The following ATP6V0A4 variants were observed in gnomAD, a reference collection of about 807,000 sequenced individuals.
The protein encoded by ATP6V0A4 is ATPase H+ transporting V0 subunit a4.
A neutral mutation model predicts 107.3 loss-of-function variants in ATP6V0A4; 86 were observed. That is an observed-to-expected ratio of 0.80 (90% CI 0.67 to 0.96). The LOEUF (loss-of-function observed/expected upper bound fraction) is 0.96. ATP6V0A4 is among the 40% of genes least tolerant of loss of function. ATP6V0A4 has a pLI of 0.00. For missense variants in ATP6V0A4, 908 were observed against 1,045.6 expected (o/e 0.87, Z 1.81); for synonymous variants, 353 against 381.4 (o/e 0.93, Z 0.87).
intron 18 of ATP6V0A4, among the ~76,000 whole-genome samples, chr7:138,724,924 G>A (rs905174832): frequency 1.3e-5 from 2 of 152,198 alleles, no homozygotes; most frequent in East Asian, 1.9e-4. Flanking sequence ...GCTGGGTGGC[G>A]TATGAAATAA....
intron 1 of ATP6V0A4, among the ~76,000 whole-genome samples, chr7:138,786,592 A>AAG (rs1554402932): frequency 6.6e-6 from 1 of 151,490 alleles, no homozygotes; most frequent in Non-Finnish European, 1.5e-5. Context: ...AAAAAAAAAA[A>AAG]AGAGAGACAA....
rs760914361 is a variant in ATP6V0A4 at position 138,747,506 on chromosome 7, A to G, written c.1239T>C (p.Gly413=). The change falls in exon 13 of 22, where the codon GGT becomes GGC. Residue 413 remains glycine, a synonymous_variant. Coordinates refer to ENST00000310018, the MANE Select transcript of ATP6V0A4 (RefSeq NM_020632.3). ...CAGCCAGGAGCATCACGGTTCCATG[A>G]CCACAGTCTCCAAACATCACAGCGA... ...FLFAVMFGDC[G]HGTVMLLAAL... 3.1e-6 allele frequency: 5 copies of G among 1,614,074 alleles called. No individual in the cohort carries two copies. In the Admixed American group the frequency reaches 8.3e-5, roughly 27 times the overall value.
At chr7:138,730,189 C>CCCT (rs1320472796) in intron 17 of ATP6V0A4, among the ~76,000 whole-genome samples, 2 of 152,180 alleles carry the variant, frequency 1.3e-5, no homozygotes, top group African/African-American at 4.8e-5. Flanking sequence ...TGGCCTCACT[C>CCCT]TACTTTTAAA....
At chr7:138,757,985 C>T (rs1324432093) in intron 8 of ATP6V0A4, among the ~76,000 whole-genome samples, 4 of 152,114 alleles carry the variant, frequency 2.6e-5, no homozygotes, top group Non-Finnish European at 5.9e-5. Context: ...TGGAGTCTAC[C>T]CTGGTCCTTT....
intron 1 of ATP6V0A4, among the ~76,000 whole-genome samples, chr7:138,788,113 T>C (rs913880925): frequency 5.9e-5 from 9 of 152,216 alleles, no homozygotes; most frequent in African/African-American, 1.7e-4. Flanking sequence ...CAAACAATCA[T>C]TGACTTGACT....
chr7:138,747,504 T>A lies in ATP6V0A4; in HGVS notation c.1241A>T (p.His414Leu). ...LFAVMFGDCG[H>L]GTVMLLAALW... ...TGCAGCCAGGAGCATCACGGTTCCA[T>A]GACCACAGTCTCCAAACATCACAGC... The change falls in exon 13 of 22, where the codon CAT becomes CTT. Residue 414 changes from histidine to leucine, a missense_variant. His to Leu is a moderately conservative substitution (Grantham distance 99). Transcript: ENST00000310018. The A allele has an allele frequency of 6.2e-7, 1 of 1,614,164 alleles. No homozygotes were observed. Among genetic ancestry groups the A allele is most frequent in the Non-Finnish European group, 8.5e-7 (1 of 1,180,042 alleles).
chr7:138,708,049 A>T (rs988556776), intron 21 of ATP6V0A4, among the ~76,000 whole-genome samples: 42 of 148,872 alleles, frequency 2.8e-4, no homozygotes, highest in Non-Finnish European at 5.3e-4. Context: ...TTATTTATTT[A>T]TTTATTTATT....
chr7:138,760,062 C>G, intron 7 of ATP6V0A4, 184 bp from the exon 8 acceptor site: 1 of 477,596 alleles, frequency 2.1e-6, no homozygotes, highest in Non-Finnish European at 2.7e-6. Flanking sequence ...CTGACTTGCC[C>G]CAAGTCCCTT....
rs1176566807 is a variant in ATP6V0A4 at position 138,777,633 on chromosome 7, T to TACACACACACACACAC, written c.-17-6385_-17-6370dup. Reference sequence around the variant, plus strand: ...TCCGTCTCAAAAAAAAAAAAAAAAATACACACACACACACACACACACACA... The same window carrying TACACACACACACACAC: ...TCCGTCTCAAAAAAAAAAAAAAAAATACACACACACACACACACACACACACACACACACACACACA... On this transcript the variant is annotated intron_variant, in intron 2 of 21. Transcript: ENST00000310018. 3.5e-3 allele frequency among the ~76,000 whole-genome samples: 377 copies of TACACACACACACACAC among 106,338 alleles called. 1 individual carries two copies. Among genetic ancestry groups the TACACACACACACACAC allele is most frequent in the African/African-American group, 0.014 (365 of 26,576 alleles). The allele number at this position is 106,338 out of a possible 152,430, so 69.8% of individuals were successfully genotyped here. A position where few individuals can be genotyped will look rare whatever the true frequency, so the allele number is the denominator to read the frequency against.
At chr7:138,725,550 C>T (rs920293865) in intron 18 of ATP6V0A4, among the ~76,000 whole-genome samples, 7 of 151,650 alleles carry the variant, frequency 4.6e-5, no homozygotes, top group Admixed American at 1.3e-4. Flanking sequence ...TCGCTTATGT[C>T]GCCCAGGCTG....
intron 17 of ATP6V0A4, among the ~76,000 whole-genome samples, chr7:138,730,386 G>GTGTGTGTGTGT (rs1194328965): frequency 6.7e-6 from 1 of 149,478 alleles, no homozygotes; most frequent in Non-Finnish European, 1.5e-5. Flanking sequence ...GTGTGTGTGT[G>GTGTGTGTGTGT]GCTATCCTTT....
intron 1 of ATP6V0A4, among the ~76,000 whole-genome samples, chr7:138,796,073 G>T (rs1358070165): frequency 1.3e-5 from 2 of 152,052 alleles, no homozygotes; most frequent in African/African-American, 4.8e-5. Flanking sequence ...GGATAAATCA[G>T]TCCTGCCCTG....
chr7:138,719,628 G>A (rs973189312), intron 19 of ATP6V0A4, among the ~76,000 whole-genome samples: 13 of 152,230 alleles, frequency 8.5e-5, no homozygotes, highest in Admixed American at 2.6e-4. Flanking sequence ...TGTGGGGACA[G>A]TAATGTGCCT....
intron 2 of ATP6V0A4, among the ~76,000 whole-genome samples, chr7:138,771,954 A>C (rs190030288): frequency 6.6e-6 from 1 of 152,186 alleles, no homozygotes; most frequent in Non-Finnish European, 1.5e-5. Context: ...TAAAGACTCA[A>C]GTTGTGGAGG....
chr7:138,784,233 TAC>T (rs1440429152), intron 2 of ATP6V0A4, among the ~76,000 whole-genome samples: 23 of 43,158 alleles, frequency 5.3e-4, no homozygotes, highest in Non-Finnish European at 7.7e-4. Context: ...TATATATATA[TAC>T]GTATATATAT....
At chr7:138,721,407 C>G (rs1344286274) in intron 19 of ATP6V0A4, among the ~76,000 whole-genome samples, 1 of 152,030 alleles carries the variant, frequency 6.6e-6, no homozygotes, top group Non-Finnish European at 1.5e-5. Context: ...GGTGCAGTGG[C>G]GGATGCCTAT....
intron 7 of ATP6V0A4, among the ~76,000 whole-genome samples, chr7:138,760,620 T>TAA (rs1806764606): frequency 6.6e-6 from 1 of 152,194 alleles, no homozygotes; most frequent in South Asian, 2.1e-4. Context: ...AGCATGTAGA[T>TAA]AACTGCTGAC....
chr7:138,744,238 CTTT>C (rs71169054), intron 14 of ATP6V0A4, among the ~76,000 whole-genome samples: 7 of 128,834 alleles, frequency 5.4e-5, no homozygotes, highest in Non-Finnish European at 6.4e-5. Flanking sequence ...TCCTCATCTG[CTTT>C]TTTTTTTTTT....
Position 138,762,934 on chromosome 7 carries a change from TTCAGTTCTG to T in ATP6V0A4, c.374_382del (p.Thr125_Leu127del). On this transcript the variant is annotated inframe_deletion, in exon 6 of 22. Coordinates refer to ENST00000310018, the MANE Select transcript of ATP6V0A4 (RefSeq NM_020632.3). ...GTCTTGGGTTTTCTTCAGGAGGTAT[TTCAGTTCTG>T]TCAGTTCTAGGAAGCTTTGTTTCAA... 1 of 1,614,158 alleles carries T rather than the reference TTCAGTTCTG, an allele frequency of 6.2e-7. No individual in the cohort carries two copies. The highest frequency in any genetic ancestry group is 8.5e-7 in the Non-Finnish European group (1 of 1,180,036).
Sources: allele counts gnomAD v4.1 joint callset (sites outside exome capture counted in the v4.1 genomes callset), GRCh38; gene constraint gnomAD v4.1.1; transcripts MANE v1.5; gene names NCBI Gene and HGNC (gene_info 2026-07-23, HGNC 2026-07-21).